The following KDM6A variants were observed in gnomAD, a reference collection of about 807,000 sequenced individuals.
The protein encoded by KDM6A is lysine-specific demethylase 6A.
In KDM6A, 11 loss-of-function variants were observed where a neutral mutation model predicts 117.6. That is an observed-to-expected ratio of 0.09 (90% CI 0.06 to 0.15). The LOEUF is 0.15. Ranked by LOEUF, KDM6A falls within the 10% of genes least tolerant of loss-of-function variation. The pLI is 1.00. For synonymous variants in KDM6A, 384 were observed against 396.1 expected (o/e 0.97, Z 0.36); for missense variants, 799 against 1,077.3 (o/e 0.74, Z 3.62).
At chrX:44,982,497 G>A in intron 4 of KDM6A, among the ~76,000 whole-genome samples, 1 of 111,476 alleles carries the variant, frequency 9.0e-6, no homozygotes, top group Non-Finnish European at 1.9e-5. Context: ...CATAGTATTA[G>A]GTTGGCGCAA....
At chrX:45,005,952 C>A (rs1246558496) in intron 4 of KDM6A, among the ~76,000 whole-genome samples, 1 of 57,216 alleles carries the variant, frequency 1.7e-5, no homozygotes, top group Non-Finnish European at 3.0e-5. Flanking sequence ...TACTTCACCT[C>A]ACCCCCCCAC....
At position 44,941,481 on chromosome X, in the gene KDM6A, GTT is replaced by G. The variant is rs768090847; in HGVS notation, c.226-19787_226-19786del. 6.3e-5 allele frequency among the ~76,000 whole-genome samples: 6 copies of G among 95,644 alleles called. No individual in the cohort carries two copies. In the East Asian group the frequency reaches 9.8e-4, roughly 16 times the overall value. 83.1% of individuals were successfully genotyped at this position (95,644 alleles called of 115,157 possible). ...CGTTGTATATATGAATTCTGTACCA[GTT>G]TTTTTTTTTTTTTTTAAAATAGAGT... On this transcript the variant is annotated intron_variant, in intron 2 of 29. Coordinates refer to ENST00000611820, the MANE Select transcript of KDM6A (RefSeq NM_001291415.2).
At position 45,047,674 on chromosome X, in the gene KDM6A, C is replaced by CTT. The variant is rs78749806; in HGVS notation, c.655-4007_655-4006dup. On this transcript the variant is annotated intron_variant, in intron 8 of 29. Coordinates refer to ENST00000611820, the MANE Select transcript of KDM6A (RefSeq NM_001291415.2). Reference sequence around the variant, plus strand: ...TCAAATATCTGCTTGCTTTTTTTTTCTTTTTTTTTTTTTTTTTTTTTTTTT... The same window carrying CTT: ...TCAAATATCTGCTTGCTTTTTTTTTCTTTTTTTTTTTTTTTTTTTTTTTTTTT... Among the ~76,000 whole-genome samples, 89 of 36,354 alleles carry CTT rather than the reference C, an allele frequency of 2.4e-3. 24 individuals are homozygous for CTT. The highest frequency in any genetic ancestry group is 2.9e-3 in the Non-Finnish European group (57 of 19,605). The allele number at this position is 36,354 out of a possible 115,157, so 31.6% of individuals were successfully genotyped here. A position where few individuals can be genotyped will look rare whatever the true frequency, so the allele number is the denominator to read the frequency against.
In KDM6A at chrX:45,078,411, A is replaced by G. The variant is rs2045233942; in HGVS notation, c.3000A>G (p.Lys1000=). The change falls in exon 20 of 30, where the codon AAA becomes AAG. Residue 1000 remains lysine (K), a synonymous_variant. Coordinates refer to ENST00000611820, the MANE Select transcript of KDM6A (RefSeq NM_001291415.2). ...TTTTAATTTTACAGTTGGAAAATAA[A>G]CGTGATGCTTTCTTTCCTCCATTAC... ...PPTPSIYLEN[K]RDAFFPPLHQ... 1.7e-6 allele frequency: 2 copies of G among 1,208,375 alleles called. No homozygotes were observed. Among genetic ancestry groups the G allele is most frequent in the Non-Finnish European group, 2.2e-6 (2 of 893,784 alleles).
rs368679706 is a variant in KDM6A at position 45,066,444 on chromosome X, CAGTAAA to C, written c.2079+2631_2079+2636del. Among the ~76,000 whole-genome samples the C allele has an allele frequency of 4.7e-3, 523 of 111,153 alleles. 6 individuals carry two copies. The South Asian group carries it at 0.063, about 13-fold the overall frequency. On this transcript the variant is annotated intron_variant, in intron 17 of 29. Coordinates refer to ENST00000611820, the MANE Select transcript of KDM6A (RefSeq NM_001291415.2). ...TTTAAATTTAAAATGAGAGAAATAA[CAGTAAA>C]AGTCAATGGGAAAGATTCAGTAGAG...
intron 5 of KDM6A, among the ~76,000 whole-genome samples, chrX:45,017,584 A>G (rs1403905000): frequency 8.9e-6 from 1 of 111,884 alleles, no homozygotes; most frequent in Non-Finnish European, 1.9e-5. Context: ...CAGGAGAAGA[A>G]CATGGAAAAG....
intron 2 of KDM6A, among the ~76,000 whole-genome samples, chrX:44,879,006 G>A (rs889651246): frequency 1.8e-5 from 2 of 111,466 alleles, no homozygotes; most frequent in Non-Finnish European, 3.8e-5. Context: ...GCAGGTGTGA[G>A]CCGCCGCACC....
chrX:44,884,265 G>A (rs1323885835), intron 2 of KDM6A, among the ~76,000 whole-genome samples: 1 of 110,818 alleles, frequency 9.0e-6, no homozygotes, highest in Non-Finnish European at 1.9e-5. Flanking sequence ...GCCGTAGGAT[G>A]TTTTGGGGCA....
At chrX:45,027,660 G>A (rs1327304667) in intron 6 of KDM6A, among the ~76,000 whole-genome samples, 1 of 111,254 alleles carries the variant, frequency 9.0e-6, no homozygotes, top group Admixed American at 9.6e-5. Flanking sequence ...TTAGAACATG[G>A]GACCGGGAAG....
intron 5 of KDM6A, among the ~76,000 whole-genome samples, chrX:45,011,275 A>G (rs1481538483): frequency 1.8e-5 from 2 of 111,544 alleles, no homozygotes; most frequent in African/African-American, 6.5e-5. Flanking sequence ...TAGATTAGAA[A>G]GCTTTTTGGA....
intron 8 of KDM6A, among the ~76,000 whole-genome samples, chrX:45,039,223 G>GCCTCCCCATCCCTCCTCTA (rs1320220761): frequency 1.9e-5 from 2 of 102,854 alleles, no homozygotes; most frequent in East Asian, 5.9e-4. Flanking sequence ...TCCCCCCTCT[G>GCCTCCCCATCCCTCCTCTA]CCTCCCCATC....
intron 27 of KDM6A, among the ~76,000 whole-genome samples, chrX:45,091,771 T>G (rs1258432604): frequency 8.9e-6 from 1 of 112,071 alleles, no homozygotes; most frequent in Admixed American, 9.5e-5. Context: ...TGTCTTAGTC[T>G]TTGTTAAAAT....
intron 4 of KDM6A, among the ~76,000 whole-genome samples, chrX:45,005,502 G>A (rs775355006): frequency 5.4e-5 from 6 of 111,603 alleles, no homozygotes; most frequent in Admixed American, 9.4e-5. Flanking sequence ...TTAACATGTC[G>A]GATTAGAAGC....
At chrX:44,994,412 C>T (rs1364881731) in intron 4 of KDM6A, among the ~76,000 whole-genome samples, 1 of 111,825 alleles carries the variant, frequency 8.9e-6, no homozygotes, top group East Asian at 2.8e-4. Flanking sequence ...CCTCCAGATT[C>T]ATCCATGTTG....
In KDM6A at chrX:45,063,793, A is replaced by G. The variant is rs770011061; in HGVS notation, c.2055A>G (p.Lys685=). 1 of 1,202,317 alleles carries G rather than the reference A, an allele frequency of 8.3e-7. No homozygotes were observed. The highest frequency in any genetic ancestry group is 2.2e-5 in the Admixed American group (1 of 44,975). ...NLTSSAEEPW[K]NQLSNSTQGL... is the part of the protein sequence containing the mutation. ...CCAGCAGCGCAGAGGAGCCGTGGAAAAACCAACTATCTAACTCCACTCAGG... is the reference window on the plus strand; with the variant it reads ...CCAGCAGCGCAGAGGAGCCGTGGAAGAACCAACTATCTAACTCCACTCAGG... The change falls in exon 17 of 30, where the codon AAA becomes AAG. Residue 685 remains lysine, a synonymous_variant. Transcript: ENST00000611820.
chrX:45,076,175 G>A (rs1210969526), intron 18 of KDM6A, among the ~76,000 whole-genome samples: 1 of 111,439 alleles, frequency 9.0e-6, no homozygotes, highest in African/African-American at 3.3e-5. Context: ...ATAATTTGCT[G>A]TATAGTCAAG....
intron 27 of KDM6A, among the ~76,000 whole-genome samples, chrX:45,097,917 C>G (rs764396531): frequency 1.8e-5 from 2 of 111,865 alleles, no homozygotes; most frequent in South Asian, 7.3e-4. Flanking sequence ...TGGCATAAGT[C>G]AAAAGAATAT....
intron 2 of KDM6A, among the ~76,000 whole-genome samples, chrX:44,878,408 A>G (rs1274046311): frequency 8.9e-6 from 1 of 112,342 alleles, no homozygotes; most frequent in African/African-American, 3.2e-5. Flanking sequence ...CCATGGAAAT[A>G]ATGTCATGCT....
chrX:44,996,444 A>G (rs1370488599), intron 4 of KDM6A, among the ~76,000 whole-genome samples: 1 of 108,510 alleles, frequency 9.2e-6, no homozygotes, highest in Admixed American at 9.7e-5. Context: ...GTCTTGGGTC[A>G]GAATCACAGC....
Sources: allele counts gnomAD v4.1 joint callset (sites outside exome capture counted in the v4.1 genomes callset), GRCh38; gene constraint gnomAD v4.1.1; transcripts MANE v1.5; gene names NCBI Gene and HGNC (gene_info 2026-07-23, HGNC 2026-07-21).